GYS1: variants seen among roughly 807,000 people sequenced by gnomAD.
The protein encoded by GYS1 is glycogen synthase 1.
GYS1 carries 60 observed loss-of-function variants against 89.1 expected under a neutral mutation model. That is an observed-to-expected ratio of 0.67 (90% CI 0.55 to 0.84). GYS1 has a LOEUF of 0.84. Ranked by LOEUF, GYS1 falls within the 40% of genes least tolerant of loss-of-function variation. The probability of loss-of-function intolerance (pLI) is 0.00; values close to 1 mark genes in which losing one functional copy is unlikely to be tolerated. For missense variants in GYS1, 888 were observed against 1,003.1 expected (o/e 0.89, Z 1.55); for synonymous variants, 366 against 401.7 (o/e 0.91, Z 1.06).
In GYS1 at chr19:48,969,829, C is replaced by T. The variant is rs769733892; in HGVS notation, c.1836G>A (p.Ala612=). The T allele has an allele frequency of 5.6e-6, 9 of 1,613,010 alleles. No homozygotes were observed. Among genetic ancestry groups the T allele is most frequent in the Admixed American group, 1.7e-5 (1 of 60,004 alleles). The change falls in exon 15 of 16, where the codon GCG becomes GCA. Residue 612 remains alanine (A), a synonymous_variant. Coordinates refer to ENST00000323798, the MANE Select transcript of GYS1 (RefSeq NM_002103.5). ...AGTGCTCTGGAAAGGCCTTGGACAG[C>T]GCCATGTGGCGCGCAGACATATAGT... ...GRYYMSARHM[A]LSKAFPEHFT... is the part of the protein sequence containing the mutation.
intron 12 of GYS1, among the ~76,000 whole-genome samples, chr19:48,972,105 T>G (rs965013731): frequency 5.6e-5 from 8 of 143,562 alleles, no homozygotes; most frequent in South Asian, 2.2e-4. Context: ...CCAAGGCGGG[T>G]GGATCACGAG....
In GYS1 at chr19:48,987,423, G is replaced by A. The variant is rs756694124; in HGVS notation, c.301-38C>T. ...TGGGGAGGCACCATAGGGAGGCTCT[G>A]GGCTTCAGCCTCATATCTTCACTCA... On this transcript the variant is annotated intron_variant, in intron 2 of 15. Transcript: ENST00000323798. The A allele has an allele frequency of 1.6e-5, 24 of 1,493,848 alleles. No homozygotes were observed. The East Asian group carries it at 5.7e-4, about 35-fold the overall frequency. The allele number at this position is 1,493,848 out of a possible 1,614,324, so 92.5% of individuals were successfully genotyped here.
At chr19:48,986,686 A>G (rs1035692544) in intron 3 of GYS1, among the ~76,000 whole-genome samples, 4 of 151,578 alleles carry the variant, frequency 2.6e-5, no homozygotes, top group Non-Finnish European at 4.4e-5. Context: ...ATTTTTTTGT[A>G]TGTTTAGTAA....
At chr19:48,977,388 C>G (rs1028762689) in intron 10 of GYS1, among the ~76,000 whole-genome samples, 1 of 152,074 alleles carries the variant, frequency 6.6e-6, no homozygotes, top group African/African-American at 2.4e-5. Context: ...AGGTCAGGAG[C>G]TTGAGACTGG....
chr19:48,969,272 G>A lies in GYS1; in HGVS notation c.*16C>T. On this transcript the variant is annotated 3_prime_UTR_variant, in exon 16 of 16. Transcript: ENST00000323798. ...AGCAGAGAGGCAGGACAGGCGGGGA[G>A]TGTGGTGGGGCGGACTTAGTTACGC... 6.5e-7 allele frequency: 1 copy of A among 1,530,350 alleles called. No individual in the cohort carries two copies. The highest frequency in any genetic ancestry group is 2.4e-5 in the East Asian group (1 of 41,018). The allele number at this position is 1,530,350 out of a possible 1,614,324, so 94.8% of individuals were successfully genotyped here.
At position 48,969,089 on chromosome 19, in the gene GYS1, AG is replaced by A. The variant is rs1158832331; in HGVS notation, c.*198del. On this transcript the variant is annotated 3_prime_UTR_variant, in exon 16 of 16. Coordinates refer to ENST00000323798, the MANE Select transcript of GYS1 (RefSeq NM_002103.5). ...TTATGCATATTCTGGAGCCAGAGAA[AG>A]GCACGGCTTTGTGGATTCTGGAGTG... is the stretch of plus-strand genomic sequence containing the variant. The A allele has an allele frequency of 4.7e-6, 3 of 638,110 alleles. No homozygotes were observed. Among genetic ancestry groups the A allele is most frequent in the Non-Finnish European group, 8.3e-6 (3 of 360,958 alleles). The allele number at this position is 638,110 out of a possible 1,614,324, so 39.5% of individuals were successfully genotyped here.
At position 48,969,551 on chromosome 19, in the gene GYS1, G is replaced by A; in HGVS notation, c.1951C>T (p.His651Tyr). Residue 651 changes from histidine to tyrosine, a missense_variant, in exon 16 of 16, where the codon CAC becomes TAC. Transcript: ENST00000323798. ...SVPPSPSLSR[H>Y]SSPHQSEDEE... is the part of the protein sequence containing the mutation. ...TCCTCACTCTGGTGCGGGCTGGAGT[G>A]TCGTGACAGCGAGGGCGACGGTGGC... 6.5e-7 allele frequency: 1 copy of A among 1,540,564 alleles called. No individual in the cohort carries two copies. Among genetic ancestry groups the A allele is most frequent in the Non-Finnish European group, 8.7e-7 (1 of 1,146,882 alleles).
At position 48,984,123 on chromosome 19, in the gene GYS1, C is replaced by T. The variant is rs151255943; in HGVS notation, c.824-1286G>A. ...AAGAGATTCTCCTGCCTCAGCCTCC[C>T]GAGTAGCTGGGTGGCTGGGATTACA... On this transcript the variant is annotated intron_variant, in intron 5 of 15. Transcript: ENST00000323798. Among the ~76,000 whole-genome samples the T allele has an allele frequency of 3.4e-4, 51 of 152,146 alleles. No homozygotes were observed. In the East Asian group the frequency reaches 9.7e-3, roughly 29 times the overall value.
chr19:48,985,878 G>A lies in GYS1; in HGVS notation c.650C>T (p.Ala217Val), dbSNP rs148365002. The change falls in exon 4 of 16, where the codon GCC (alanine) becomes GTC (valine). Residue 217 changes from alanine (A) to valine (V), a missense_variant. Transcript: ENST00000323798. The part of the protein sequence containing the change: ...TLLGRYLCAG[A>V]VDFYNNLENF... ...CTCCAGGTTGTTGTAGAAGTCCACG[G>A]CACCGGCACACAGGTAGCGCCCCAG... The A allele has an allele frequency of 1.2e-6, 2 of 1,613,798 alleles. No homozygotes were observed. Among genetic ancestry groups the A allele is most frequent in the Non-Finnish European group, 1.7e-6 (2 of 1,180,036 alleles).
chr19:48,992,388 C>T (rs999418130), intron 1 of GYS1, among the ~76,000 whole-genome samples: 1 of 131,126 alleles, frequency 7.6e-6, no homozygotes, highest in African/African-American at 3.1e-5. Flanking sequence ...GACTTCCCAG[C>T]CTTCCCCTAT....
At chr19:48,987,942 A>G (rs2038867074) in intron 2 of GYS1, among the ~76,000 whole-genome samples, 1 of 152,082 alleles carries the variant, frequency 6.6e-6, no homozygotes, top group Non-Finnish European at 1.5e-5. Context: ...CTGGGACTAC[A>G]GCGGCCCGCC....
intron 11 of GYS1, 74 bp from the exon 12 acceptor site, chr19:48,974,413 G>C: frequency 6.5e-7 from 1 of 1,537,442 alleles, no homozygotes; most frequent in Non-Finnish European, 9.0e-7. Flanking sequence ...GTGGCCCAGA[G>C]AGGGTAAAAA....
intron 8 of GYS1, 42 bp from the exon 9 acceptor site, chr19:48,978,199 C>T: frequency 6.7e-7 from 1 of 1,482,556 alleles, no homozygotes; most frequent in Non-Finnish European, 9.4e-7. Flanking sequence ...ACACCAGCTG[C>T]CATTTACTGT....
rs35555946 is a variant in GYS1 at position 48,989,481 on chromosome 19, GAAAAAAA to G, written c.300+1814_300+1820del. 2.3e-5 allele frequency among the ~76,000 whole-genome samples: 3 copies of G among 127,874 alleles called. 1 individual carries two copies. Among genetic ancestry groups the G allele is most frequent in the African/African-American group, 5.9e-5 (2 of 33,820 alleles). The allele number at this position is 127,874 out of a possible 152,430, so 83.9% of individuals were successfully genotyped here. ...TCAGCGACAGAGTGAGATTCTATCTGAAAAAAAAAAAAAAAAAATTATGGCTCACTAC... is the reference window on the plus strand; with the variant it reads ...TCAGCGACAGAGTGAGATTCTATCTGAAAAAAAAAAATTATGGCTCACTAC... On this transcript the variant is annotated intron_variant, in intron 2 of 15. Transcript: ENST00000323798.
At chr19:48,981,441 CA>C (rs1310247595) in intron 8 of GYS1, 88 bp downstream of exon 8, 2 of 797,084 alleles carry the variant, frequency 2.5e-6, no homozygotes, top group Non-Finnish European at 4.4e-6. Flanking sequence ...ACAAACAAAA[CA>C]AAAAACTGAG....
intron 7 of GYS1, 103 bp downstream of exon 7, chr19:48,982,152 A>G (rs1015906974): frequency 2.4e-6 from 3 of 1,268,334 alleles, no homozygotes; most frequent in African/African-American, 2.9e-5. Flanking sequence ...CTTGGCCTCC[A>G]AAAGTGTTGG....
In GYS1 at chr19:48,982,814, T is replaced by G; in HGVS notation, c.847A>C (p.Asn283His). Residue 283 changes from asparagine (N) to histidine (H), a missense_variant, in exon 6 of 16, where the codon AAT becomes CAT. Asn to His is a moderately conservative substitution (Grantham distance 68, BLOSUM62 1). Transcript: ENST00000323798. ...KPDIVTPNGL[N>H]VKKFSAMHEF... ...TGCATGGCAGAAAACTTCTTCACAT[T>G]CAGCCCATTGGGGGTCACAATATCT... The G allele has an allele frequency of 6.2e-7, 1 of 1,611,056 alleles. No individual in the cohort carries two copies. Among genetic ancestry groups the G allele is most frequent in the Non-Finnish European group, 8.5e-7 (1 of 1,177,156 alleles).
Position 48,981,548 on chromosome 19 carries a change from G to A in GYS1, c.1151C>T (p.Ala384Val). The part of the protein sequence containing the change: ...NFNVETLKGQ[A>V]VRKQLWDTAN... ...TGCTAACCAAAGCTGTTTGCGCACA[G>A]CTTGGCCTTTGAGGGTTTCCACGTT... Residue 384 changes from alanine to valine, a missense_variant, in exon 8 of 16, where the codon GCT becomes GTT. Physicochemically the swap from Ala to Val is moderately conservative, Grantham distance 64. Transcript: ENST00000323798. 6.2e-7 allele frequency: 1 copy of A among 1,610,086 alleles called. No homozygotes were observed. Among genetic ancestry groups the A allele is most frequent in the Non-Finnish European group, 8.5e-7 (1 of 1,176,300 alleles).
At position 48,968,659 on chromosome 19, in the gene GYS1, T is replaced by A. The variant is rs762238003; in HGVS notation, c.*629A>T. 2 of 454,126 alleles carry A rather than the reference T, an allele frequency of 4.4e-6. No homozygotes were observed. The highest frequency in any genetic ancestry group is 3.1e-5 in the South Asian group (2 of 64,476). The allele number at this position is 454,126 out of a possible 1,614,324, so 28.1% of individuals were successfully genotyped here. A position where few individuals can be genotyped will look rare whatever the true frequency, so the allele number is the denominator to read the frequency against. On this transcript the variant is annotated 3_prime_UTR_variant, in exon 16 of 16. Transcript: ENST00000323798. ...TACCACCTCTTGCTTGGCCAAAGTG[T>A]AGGGGATGACAGGAGCCGGATGGAG...
Sources: allele counts gnomAD v4.1 joint callset (sites outside exome capture counted in the v4.1 genomes callset), GRCh38; gene constraint gnomAD v4.1.1; transcripts MANE v1.5; gene names NCBI Gene and HGNC (gene_info 2026-07-23, HGNC 2026-07-21).